SAMSN1: variants seen among roughly 807,000 people sequenced by gnomAD.
SAMSN1 encodes the protein SAM domain, SH3 domain and nuclear localization signals 1, also known as SAM domain-containing protein SAMSN-1.
Under a neutral mutation model 42.0 loss-of-function variants are expected in SAMSN1, and 31 were observed. That is an observed-to-expected ratio of 0.74 (90% CI 0.55 to 1.00). The LOEUF is 1.00. Ranked by LOEUF, SAMSN1 falls within the 50% of genes least tolerant of loss-of-function variation. The probability of loss-of-function intolerance (pLI) is 0.00; values close to 1 mark genes in which losing one functional copy is unlikely to be tolerated. For synonymous variants in SAMSN1, 178 were observed against 151.9 expected, an observed-to-expected ratio of 1.17 and a Z score of -1.26; for missense variants, 464 against 439.4, an observed-to-expected ratio of 1.06 and a Z score of -0.50.
At chr21:14,530,926 T>C (rs1391358319) in intron 1 of SAMSN1, among the ~76,000 whole-genome samples, 1 of 152,240 alleles carries the variant, frequency 6.6e-6, no homozygotes, top group African/African-American at 2.4e-5. Flanking sequence ...TATACATTAT[T>C]CTTCCATAAG....
upstream of SAMSN1, chr21:14,583,712 A>C (rs373046181): frequency 5.4e-5 from 39 of 717,538 alleles, no homozygotes; most frequent in East Asian, 2.7e-4. Context: ...CTTAGTCCAA[A>C]CCAGTTTCTG....
upstream of SAMSN1, chr21:14,583,407 T>C (rs369362827): frequency 9.3e-6 from 4 of 430,906 alleles, no homozygotes; most frequent in African/African-American, 8.2e-5. Context: ...GCTTCCTCCA[T>C]TGCTCTCTCT....
chr21:14,546,466 G>T, upstream of SAMSN1: 2 of 698,090 alleles, frequency 2.9e-6, no homozygotes, highest in East Asian at 3.3e-5. Flanking sequence ...ACTCTTTATT[G>T]TCTTGCTATT....
At chr21:14,612,672 G>C (rs569136038) in intron 4 of SAMSN1, 50 of 632,098 alleles carry the variant, frequency 7.9e-5, no homozygotes, top group African/African-American at 3.8e-4. Flanking sequence ...GGAAAATATT[G>C]CAAATAAATC....
chr21:14,521,407 T>A (rs1978473077), intron 1 of SAMSN1, among the ~76,000 whole-genome samples, 186 bp from the exon 2 acceptor site: 1 of 152,250 alleles, frequency 6.6e-6, no homozygotes, highest in Admixed American at 6.5e-5. Flanking sequence ...TATTTACAGT[T>A]GATCAAATGT....
intron 2 of SAMSN1, among the ~76,000 whole-genome samples, chr21:14,641,716 T>G (rs542181745): frequency 1.4e-4 from 22 of 152,302 alleles, no homozygotes; most frequent in African/African-American, 5.3e-4. Flanking sequence ...TATATGGAAG[T>G]TCTTTATCTG....
At chr21:14,624,725 T>G (rs866579453) in intron 2 of SAMSN1, among the ~76,000 whole-genome samples, 22 of 152,220 alleles carry the variant, frequency 1.4e-4, no homozygotes, top group African/African-American at 5.1e-4. Flanking sequence ...CCATTCCTTC[T>G]GAAACTATTC....
At chr21:14,600,732 T>C (rs568376977) in intron 6 of SAMSN1, among the ~76,000 whole-genome samples, 2 of 152,172 alleles carry the variant, frequency 1.3e-5, no homozygotes, top group Non-Finnish European at 2.9e-5. Flanking sequence ...CCAGCTGTTA[T>C]TTTTCTCCTG....
chr21:14,599,964 G>A (rs1317355601), intron 6 of SAMSN1, among the ~76,000 whole-genome samples: 1 of 152,110 alleles, frequency 6.6e-6, no homozygotes, highest in East Asian at 1.9e-4. Flanking sequence ...CATGGTTTGT[G>A]TACTGAATAT....
chr21:14,616,087 C>A, intron 2 of SAMSN1: 1 of 450,896 alleles, frequency 2.2e-6, no homozygotes, highest in Non-Finnish European at 4.1e-6. Context: ...ATCAAGAGAT[C>A]TGAAAGAGAA....
At chr21:14,601,315 A>G (rs1299116269) in intron 6 of SAMSN1, among the ~76,000 whole-genome samples, 1 of 152,194 alleles carries the variant, frequency 6.6e-6, no homozygotes, top group Non-Finnish European at 1.5e-5. Flanking sequence ...AGGGCCTCCA[A>G]TAGCCTCAGG....
chr21:14,649,328 A>T (rs1380355580), intron 1 of SAMSN1, among the ~76,000 whole-genome samples: 1 of 151,444 alleles, frequency 6.6e-6, no homozygotes, highest in Non-Finnish European at 1.5e-5. Flanking sequence ...ATGCTAGATG[A>T]CGAGTTAGTG....
intron 2 of SAMSN1, among the ~76,000 whole-genome samples, chr21:14,581,484 G>A (rs563985620): frequency 6.9e-5 from 10 of 144,066 alleles, no homozygotes; most frequent in East Asian, 2.2e-4. Context: ...TCAGCCTCCC[G>A]AGTAGCTGGA....
At chr21:14,536,508 C>T (rs946088563) in intron 1 of SAMSN1, among the ~76,000 whole-genome samples, 4 of 152,188 alleles carry the variant, frequency 2.6e-5, no homozygotes, top group Non-Finnish European at 5.9e-5. Context: ...ATACATTTGG[C>T]CCCAAACATT....
At chr21:14,552,099 C>T (rs1172645472) in intron 2 of SAMSN1, among the ~76,000 whole-genome samples, 1 of 152,042 alleles carries the variant, frequency 6.6e-6, no homozygotes, top group Non-Finnish European at 1.5e-5. Flanking sequence ...TGCAGCCAAT[C>T]CAGAGCTCTT....
chr21:14,526,886 T>G (rs1017187671), intron 1 of SAMSN1, among the ~76,000 whole-genome samples: 1 of 152,210 alleles, frequency 6.6e-6, no homozygotes, highest in Non-Finnish European at 1.5e-5. Flanking sequence ...ATCAAACTTG[T>G]GATCAAAACC....
upstream of SAMSN1, among the ~76,000 whole-genome samples, chr21:14,587,002 G>A (rs906540274): frequency 6.6e-6 from 1 of 152,198 alleles, no homozygotes; most frequent in Non-Finnish European, 1.5e-5. Flanking sequence ...GAGAATAACA[G>A]AGATCCTTCC....
At chr21:14,626,690 T>G (rs1490032141) in intron 2 of SAMSN1, among the ~76,000 whole-genome samples, 4 of 152,216 alleles carry the variant, frequency 2.6e-5, no homozygotes, top group Non-Finnish European at 4.4e-5. Flanking sequence ...GACTGTAAAC[T>G]AGTTCAACCA....
intron 3 of SAMSN1, among the ~76,000 whole-genome samples, chr21:14,513,529 G>C (rs1047499750): frequency 6.6e-6 from 1 of 152,136 alleles, no homozygotes; most frequent in African/African-American, 2.4e-5. Flanking sequence ...GCGTGTGTGT[G>C]TGTCTGTGTA....
Sources: allele counts gnomAD v4.1 joint callset (sites outside exome capture counted in the v4.1 genomes callset), GRCh38; gene constraint gnomAD v4.1.1; transcripts MANE v1.5; gene names NCBI Gene and HGNC (gene_info 2026-07-23, HGNC 2026-07-21).